The following PRKCE variants were observed in gnomAD, a reference collection of about 807,000 sequenced individuals.
PRKCE encodes the protein protein kinase C epsilon type.
In PRKCE, 16 loss-of-function variants were observed where a neutral mutation model predicts 85.4. The ratio of observed to expected loss-of-function variants is 0.19; its 90% CI spans 0.13 to 0.28. PRKCE has a LOEUF of 0.28. Among genes scored for constraint, PRKCE ranks in the 10% least tolerant of loss-of-function variants. PRKCE has a pLI of 1.00. For synonymous variants in PRKCE, 388 were observed against 371.5 expected, an observed-to-expected ratio of 1.04 and a Z score of -0.51; for missense variants, 573 against 975.2, an observed-to-expected ratio of 0.59 and a Z score of 5.49.
chr2:46,144,995 G>T (rs2104486773), intron 11 of PRKCE, 98 bp from the exon 12 acceptor site: 1 of 1,527,406 alleles, frequency 6.5e-7, no homozygotes. Context: ...GGACTTTTTT[G>T]CTGGAGATTT....
At chr2:45,810,396 G>A (rs1233017487) in intron 1 of PRKCE, among the ~76,000 whole-genome samples, 1 of 152,116 alleles carries the variant, frequency 6.6e-6, no homozygotes, top group African/African-American at 2.4e-5. Context: ...TATTATCTTT[G>A]CACATGGCAA....
chr2:45,712,629 A>T (rs1162347405), intron 1 of PRKCE, among the ~76,000 whole-genome samples: 2 of 152,132 alleles, frequency 1.3e-5, no homozygotes, highest in African/African-American at 4.8e-5. Flanking sequence ...CATTCCCTCT[A>T]TGATCTGCTA....
Position 46,139,124 on chromosome 2 carries a change from G to T in PRKCE, c.1593-5969G>T, listed in dbSNP as rs889783446. 5.3e-5 allele frequency among the ~76,000 whole-genome samples: 8 copies of T among 152,096 alleles called. No individual in the cohort carries two copies. The highest frequency in any genetic ancestry group is 1.9e-4 in the African/African-American group (8 of 41,402). ...TAGGAGTGGCCCTCCTAAAATCAGG[G>T]ACCACCAAAGATGCTATCACCATTA... is the stretch of plus-strand genomic sequence containing the variant. On this transcript the variant is annotated intron_variant, in intron 11 of 14. Coordinates refer to ENST00000306156, the MANE Select transcript of PRKCE (RefSeq NM_005400.3). The surrounding 1 kb of genome is among the most constrained non-coding windows in gnomAD (Gnocchi z 5.2).
chr2:45,806,748 G>A (rs1033510036), intron 1 of PRKCE, among the ~76,000 whole-genome samples: 2 of 152,136 alleles, frequency 1.3e-5, no homozygotes, highest in African/African-American at 4.8e-5. Flanking sequence ...TTGTTCTCAG[G>A]ATGAGTACAG....
intron 13 of PRKCE, among the ~76,000 whole-genome samples, chr2:46,156,059 GAAA>G (rs35235256): frequency 2.2e-5 from 3 of 138,588 alleles, no homozygotes; most frequent in Non-Finnish European, 4.6e-5. Flanking sequence ...TTGTTACGTG[GAAA>G]AAAAAAAAAA....
chr2:45,888,692 T>G (rs537515019), intron 2 of PRKCE, among the ~76,000 whole-genome samples: 1 of 152,244 alleles, frequency 6.6e-6, no homozygotes, highest in South Asian at 2.1e-4. Flanking sequence ...CCTCTGGTGA[T>G]CCACCCGCTT....
chr2:46,172,407 T>C (rs1170650599), intron 14 of PRKCE, among the ~76,000 whole-genome samples: 2 of 152,238 alleles, frequency 1.3e-5, no homozygotes, highest in Non-Finnish European at 1.5e-5. Flanking sequence ...ATGTATACTT[T>C]ATATTTTTGT....
intron 2 of PRKCE, among the ~76,000 whole-genome samples, chr2:45,923,546 G>A (rs1229668409): frequency 6.6e-6 from 1 of 152,224 alleles, no homozygotes; most frequent in Non-Finnish European, 1.5e-5. Flanking sequence ...TCTAGTTTCT[G>A]TCAACCAGCC....
intron 2 of PRKCE, among the ~76,000 whole-genome samples, chr2:45,927,638 G>A (rs1288696808): frequency 6.6e-6 from 1 of 152,190 alleles, no homozygotes; most frequent in African/African-American, 2.4e-5. Context: ...AGGAGCATTA[G>A]AGAAAGGGAG....
At chr2:45,873,364 G>T (rs1694236226) in intron 2 of PRKCE, among the ~76,000 whole-genome samples, 1 of 151,866 alleles carries the variant, frequency 6.6e-6, no homozygotes, top group African/African-American at 2.4e-5. Flanking sequence ...GAATGGAAAA[G>T]TCTGGGTGTT....
At chr2:46,168,122 C>G (rs1001457817) in intron 14 of PRKCE, 5 of 151,926 alleles carry the variant, frequency 3.3e-5, no homozygotes, top group African/African-American at 1.2e-4. Flanking sequence ...TCATTTTCAT[C>G]CCCTACCCCC....
intron 5 of PRKCE, among the ~76,000 whole-genome samples, chr2:45,981,171 A>C (rs1304421661): frequency 6.6e-6 from 1 of 152,244 alleles, no homozygotes; most frequent in African/African-American, 2.4e-5. Flanking sequence ...AATTACGAGA[A>C]TGATAGTCCC....
At chr2:45,945,027 C>G (rs1035651027) in intron 2 of PRKCE, among the ~76,000 whole-genome samples, 4 of 152,066 alleles carry the variant, frequency 2.6e-5, no homozygotes, top group Non-Finnish European at 2.9e-5. Flanking sequence ...TCAACTTCCC[C>G]CCTTCCTGAG....
At chr2:46,050,749 C>T (rs527580262) in intron 10 of PRKCE, among the ~76,000 whole-genome samples, 4 of 152,214 alleles carry the variant, frequency 2.6e-5, no homozygotes, top group Admixed American at 6.5e-5. Context: ...TTTCTTTTTT[C>T]CCCCCCAGCC....
At chr2:45,758,849 G>A (rs78255376) in intron 1 of PRKCE, among the ~76,000 whole-genome samples, 44 of 152,270 alleles carry the variant, frequency 2.9e-4, no homozygotes, top group African/African-American at 7.9e-4. Flanking sequence ...ATCACCTAGC[G>A]TCTTCAGGCC....
At chr2:45,963,783 T>C (rs898997492) in intron 2 of PRKCE, among the ~76,000 whole-genome samples, 1 of 152,258 alleles carries the variant, frequency 6.6e-6, no homozygotes, top group African/African-American at 2.4e-5. Context: ...TCCAGATCTC[T>C]TGGGAAAGAC....
intron 1 of PRKCE, among the ~76,000 whole-genome samples, chr2:45,728,447 T>G (rs1283353232): frequency 6.6e-6 from 1 of 152,140 alleles, no homozygotes; most frequent in African/African-American, 2.4e-5. Flanking sequence ...CCCCCAATAG[T>G]CCCATGCCCA....
In PRKCE at chr2:45,652,284, A is replaced by T; in HGVS notation, c.184A>T (p.Ser62Cys). ...AACGGCCACCAAGCAGAAGACCAAC[A>T]GCCCGGCCTGGCACGACGAGTTCGT... The part of the protein sequence containing the change: ...GQTATKQKTN[S>C]PAWHDEFVTD... Residue 62 changes from serine to cysteine, a missense_variant, in exon 1 of 15, where the codon AGC becomes TGC. Coordinates refer to ENST00000306156, the MANE Select transcript of PRKCE (RefSeq NM_005400.3). The surrounding 1 kb of genome is among the most constrained non-coding windows in gnomAD (Gnocchi z 7.7). 1 of 1,613,516 alleles carries T rather than the reference A, an allele frequency of 6.2e-7. No individual in the cohort carries two copies. The highest frequency in any genetic ancestry group is 8.5e-7 in the Non-Finnish European group (1 of 1,179,978).
At position 45,762,609 on chromosome 2, in the gene PRKCE, A is replaced by T. The variant is rs552393544; in HGVS notation, c.349-80391A>T. Among the ~76,000 whole-genome samples the T allele has an allele frequency of 2.0e-5, 3 of 152,366 alleles. No homozygotes were observed. In the South Asian group the frequency reaches 6.2e-4, roughly 32 times the overall value. On this transcript the variant is annotated intron_variant, in intron 1 of 14. Coordinates refer to ENST00000306156, the MANE Select transcript of PRKCE (RefSeq NM_005400.3). ...TGCCTGGGAAGGCAAGGAAGATGTT[A>T]TCTAAAAGATACATGGAGAGTGATT...
Sources: gnomAD v4.1 joint callset for allele counts (sites outside exome capture counted in the v4.1 genomes callset) on GRCh38, gnomAD v4.1.1 for gene constraint, Gnocchi (gnomAD v3.1) non-coding constraint, MANE v1.5 for transcripts, NCBI Gene and HGNC (gene_info 2026-07-23, HGNC 2026-07-21) for gene names.